Variants in UBL7 observed in about 807,000 individuals in gnomAD.
UBL7 encodes the protein ubiquitin-like protein 7.
UBL7 carries 21 observed loss-of-function variants against 41.7 expected under a neutral mutation model. The ratio of observed to expected loss-of-function variants is 0.50; its 90% confidence interval spans 0.36 to 0.73. The LOEUF (loss-of-function observed/expected upper bound fraction) is 0.73. UBL7 is among the 30% of genes least tolerant of loss of function. The probability of loss-of-function intolerance (pLI) is 0.00; values close to 1 mark genes in which losing one functional copy is unlikely to be tolerated. For missense variants in UBL7, 403 were observed against 478.4 expected (o/e 0.84, Z 1.47); for synonymous variants, 157 against 186.9 (o/e 0.84, Z 1.31).
At chr15:74,458,663 C>A in intron 2 of UBL7, 21 bp downstream of exon 2, 3 of 1,601,788 alleles carry the variant, frequency 1.9e-6, no homozygotes, top group Non-Finnish European at 2.6e-6. Flanking sequence ...AGCAGCCCAA[C>A]CCCAGTCCAG....
intron 9 of UBL7, 28 bp downstream of exon 9, chr15:74,449,158 C>T (rs1323421644): frequency 1.3e-6 from 2 of 1,520,360 alleles, no homozygotes; most frequent in East Asian, 4.6e-5. Context: ...GGGGCCCAGC[C>T]TTGATCTTCC....
intron 8 of UBL7, 78 bp downstream of exon 8, chr15:74,449,548 A>G: frequency 6.2e-7 from 1 of 1,606,474 alleles, no homozygotes; most frequent in Non-Finnish European, 8.5e-7. Context: ...TGGGAGTGCC[A>G]GGTCCCAGGA....
At chr15:74,460,764 C>T in intron 1 of UBL7, 5 of 1,279,564 alleles carry the variant, frequency 3.9e-6, no homozygotes, top group Non-Finnish European at 5.1e-6. Flanking sequence ...ATCATTATTG[C>T]TTCCAAAGAG....
rs1398012235 is a variant in UBL7 at position 74,452,379 on chromosome 15, C to A, written c.305-1G>T. The A allele has an allele frequency of 4.5e-6, 7 of 1,556,444 alleles. No homozygotes were observed. ...ATGGCAGCCACTTTGTCCACAGGTT[C>A]TGGGGGACAAGACATTCAGAGTTAC... is the stretch of plus-strand genomic sequence containing the variant. On this transcript the variant is annotated splice_acceptor_variant, in intron 3 of 10. Transcript: ENST00000395081. LOFTEE classifies it high-confidence loss of function.
chr15:74,461,183 A>C (rs1412703507), upstream of UBL7: 1 of 988,252 alleles, frequency 1.0e-6, no homozygotes, highest in African/African-American at 1.7e-5. Flanking sequence ...GGAAACCGGA[A>C]ATTCCGCGCT....
At chr15:74,450,445 T>C (rs1333012256) in intron 6 of UBL7, among the ~76,000 whole-genome samples, 1 of 152,208 alleles carries the variant, frequency 6.6e-6, no homozygotes, top group Non-Finnish European at 1.5e-5. Flanking sequence ...GGCTGTTTTC[T>C]TCACTTGCAA....
At chr15:74,448,822 G>A (rs927532901) in intron 9 of UBL7, among the ~76,000 whole-genome samples, 1 of 152,152 alleles carries the variant, frequency 6.6e-6, no homozygotes, top group Non-Finnish European at 1.5e-5. Context: ...CCCAGCCTAG[G>A]ACCCCAGCAC....
chr15:74,450,019 T>G lies in UBL7; in HGVS notation c.581A>C (p.His194Pro). 6.2e-7 allele frequency: 1 copy of G among 1,613,476 alleles called. No individual in the cohort carries two copies. Reference sequence around the variant, plus strand: ...CATTGGGGCACTGCCTGCTACGGAGTGCAGAACCAGGACAATGGCATTGAC... The same window carrying G: ...CATTGGGGCACTGCCTGCTACGGAGGGCAGAACCAGGACAATGGCATTGAC... ...ALVNAIVLVL[H>P]SVAGSAPMPG... The change falls in exon 7 of 11, where the codon CAC becomes CCC. Residue 194 changes from histidine (H) to proline (P), a missense_variant. Transcript: ENST00000395081.
chr15:74,461,116 C>T lies in UBL7; in HGVS notation c.-109G>A. The T allele has an allele frequency of 1.0e-6, 1 of 997,302 alleles. No homozygotes were observed. Among genetic ancestry groups the T allele is most frequent in the Non-Finnish European group, 1.2e-6 (1 of 835,882 alleles). The allele number at this position is 997,302 out of a possible 1,614,324, so 61.8% of individuals were successfully genotyped here. ...GGCCCCAGCGCCCTCACCCGTCCCGCGGAAGGAACCCGGCCGCACTGCCGC... is the reference window on the plus strand; with the variant it reads ...GGCCCCAGCGCCCTCACCCGTCCCGTGGAAGGAACCCGGCCGCACTGCCGC... On this transcript the variant is annotated 5_prime_UTR_variant, in exon 1 of 11. Transcript: ENST00000395081.
chr15:74,455,074 T>G (rs1427779311), intron 3 of UBL7, among the ~76,000 whole-genome samples: 1 of 152,198 alleles, frequency 6.6e-6, no homozygotes, highest in Non-Finnish European at 1.5e-5. Flanking sequence ...CCCAAAAGGA[T>G]TCCAGGGCCT....
Position 74,449,955 on chromosome 15 carries a change from G to C in UBL7, c.645C>G (p.Ser215Arg), listed in dbSNP as rs1567087928. 1 of 1,612,636 alleles carries C rather than the reference G, an allele frequency of 6.2e-7. No individual in the cohort carries two copies. ...GCTCACCTGGCATATCCCGGTATGA[G>C]CTGGAGGGCATGCTCCGGGAAGAGG... ...TDSSSRSMPS[S>R]SYRDMPGGFL... The change falls in exon 7 of 11, where the codon AGC (serine) becomes AGG (arginine). Residue 215 changes from serine (S) to arginine (R), a missense_variant. Transcript: ENST00000395081.
Position 74,448,484 on chromosome 15 carries a change from G to C in UBL7, c.999C>G (p.Ser333Arg), listed in dbSNP as rs1409561695. ...AGACGTGGGGAAGACTGACCTGAAG[G>C]CTGGGCTGCCCAGAGGCCTGAAGGG... ...QHALQASGQPSLQSQWQPQLQ... is the reference protein window; with the variant it reads ...QHALQASGQPRLQSQWQPQLQ... The change falls in exon 10 of 11, where the codon AGC becomes AGG. Residue 333 changes from serine (S) to arginine (R), a missense_variant. By Grantham distance (110) the Ser-to-Arg change is moderately radical. Coordinates refer to ENST00000395081, the MANE Select transcript of UBL7 (RefSeq NM_032907.5). 5 of 1,613,842 alleles carry C rather than the reference G, an allele frequency of 3.1e-6. No individual in the cohort carries two copies. Among genetic ancestry groups the C allele is most frequent in the Non-Finnish European group, 4.2e-6 (5 of 1,179,880 alleles).
At chr15:74,451,301 C>A in intron 5 of UBL7, 135 bp downstream of exon 5, 1 of 793,144 alleles carries the variant, frequency 1.3e-6, no homozygotes, top group Non-Finnish European at 2.1e-6. Flanking sequence ...TCAAACACAC[C>A]TTGATTACTC....
chr15:74,458,605 T>C lies in UBL7; in HGVS notation c.184+79A>G, dbSNP rs80343857. On this transcript the variant is annotated intron_variant, in intron 2 of 10. Transcript: ENST00000395081. The stretch of plus-strand genomic sequence containing the variant: ...GAGGCAACAAATCCCAAGCCCTTAC[T>C]TTACTCTTGTAATTCCAGAAGTATC... 77,131 of 1,305,120 alleles carry C rather than the reference T, an allele frequency of 0.059. 5,876 individuals are homozygous for C. Among genetic ancestry groups the C allele is most frequent in the Admixed American group, 0.33 (17,015 of 50,838 alleles). The allele number at this position is 1,305,120 out of a possible 1,614,324, so 80.8% of individuals were successfully genotyped here.
Position 74,455,280 on chromosome 15 carries a change from C to T in UBL7, c.304+1272G>A, listed in dbSNP as rs543106975. On this transcript the variant is annotated intron_variant, in intron 3 of 10. Transcript: ENST00000395081. The stretch of plus-strand genomic sequence containing the variant: ...CCTGCCAGTGTAACAAAGCTAATCT[C>T]TTTTACACAGCTTAGCTTTATTCTT... Among the ~76,000 whole-genome samples the T allele has an allele frequency of 4.7e-4, 72 of 152,330 alleles. No homozygotes were observed. The Middle Eastern group carries it at 0.02, about 43-fold the overall frequency.
chr15:74,448,108 C>T (rs954097906), intron 10 of UBL7, among the ~76,000 whole-genome samples: 14 of 152,212 alleles, frequency 9.2e-5, no homozygotes, highest in African/African-American at 3.4e-4. Flanking sequence ...TCAGTGCCTG[C>T]CTGGTGCCCC....
rs1423058092 is a variant in UBL7, at chr15:74,450,854, G to A, written c.478C>T (p.Leu160Phe). The A allele has an allele frequency of 4.3e-6, 7 of 1,613,400 alleles. No homozygotes were observed. The highest frequency in any genetic ancestry group is 5.9e-6 in the Non-Finnish European group (7 of 1,179,704). Residue 160 changes from leucine (L) to phenylalanine (F), a missense_variant, in exon 6 of 11, where the codon CTC (leucine) becomes TTC (phenylalanine). Coordinates refer to ENST00000395081, the MANE Select transcript of UBL7 (RefSeq NM_032907.5). ...ACAGAGAAGAGGTCCTTGTCCTGGAGAACCCCTGAAAAAGAGCAGAGCTCA... is the reference window on the plus strand; with the variant it reads ...ACAGAGAAGAGGTCCTTGTCCTGGAAAACCCCTGAAAAAGAGCAGAGCTCA... ...LSSDPIALGV[L>F]QDKDLFSVFA... is the part of the protein sequence containing the mutation.
rs777060082 is a variant in UBL7 at position 74,449,223 on chromosome 15, G to A, written c.845C>T (p.Pro282Leu). ...LATALALAST[P>L]ESSSHTPTPG... The stretch of plus-strand genomic sequence containing the variant: ...AGTCGGTGTGTGAGAGCTGCTCTCC[G>A]GAGTGCTGGCCAGGGCCAAGGCGGT... Residue 282 changes from proline to leucine, a missense_variant, in exon 9 of 11, where the codon CCG (proline) becomes CTG (leucine). Physicochemically the swap from Pro to Leu is moderately conservative, Grantham distance 98. Coordinates refer to ENST00000395081, the MANE Select transcript of UBL7 (RefSeq NM_032907.5). 6.9e-6 allele frequency: 11 copies of A among 1,593,650 alleles called. No homozygotes were observed. Among genetic ancestry groups the A allele is most frequent in the African/African-American group, 2.7e-5 (2 of 74,244 alleles).
In UBL7 at chr15:74,449,283, G is replaced by A. The variant is rs1400768223; in HGVS notation, c.785C>T (p.Ala262Val). 1 of 1,613,564 alleles carries A rather than the reference G, an allele frequency of 6.2e-7. No homozygotes were observed. Among genetic ancestry groups the A allele is most frequent in the Non-Finnish European group, 8.5e-7 (1 of 1,179,860 alleles). ...ACTCTGGGTGATGGGCCGGGGCCCA[G>A]CAGCTCCACTGTACCCCAGGGAGGC... is the stretch of plus-strand genomic sequence containing the variant. ...RPASLGYSGA[A>V]GPRPITQSEL... The change falls in exon 9 of 11, where the codon GCT (alanine) becomes GTT (valine). Residue 262 changes from alanine to valine, a missense_variant. Transcript: ENST00000395081.
Sources: gnomAD v4.1 joint callset for allele counts (sites outside exome capture counted in the v4.1 genomes callset) on GRCh38, gnomAD v4.1.1 for gene constraint, MANE v1.5 for transcripts, NCBI Gene and HGNC (gene_info 2026-07-23, HGNC 2026-07-21) for gene names.